LILRA2: variants seen among roughly 807,000 people sequenced by gnomAD.
LILRA2 encodes the protein leukocyte immunoglobulin-like receptor subfamily A member 2.
LILRA2 carries 45 observed loss-of-function variants against 47.9 expected under a neutral mutation model. That is an observed-to-expected ratio of 0.94 (90% CI 0.74 to 1.20). LILRA2 has a LOEUF of 1.20. Ranked by LOEUF, LILRA2 falls within the 50% of genes most tolerant of loss-of-function variation. The pLI is 0.00. For synonymous variants in LILRA2, 279 were observed against 249.2 expected, an observed-to-expected ratio of 1.12 and a Z score of -1.13; for missense variants, 651 against 598.2, an observed-to-expected ratio of 1.09 and a Z score of -0.92.
rs1411534936 is a variant in LILRA2 at position 54,579,905 on chromosome 19, CTGTT to C, written c.1255+3800_1255+3803del. 3.9e-5 allele frequency among the ~76,000 whole-genome samples: 6 copies of C among 152,086 alleles called. No homozygotes were observed. In the East Asian group the frequency reaches 7.7e-4, roughly 20 times the overall value. ...GGGAGTTCACTCATGACTTGGCTCTCTGTTTGTCTATTATTGGTTTATAGGAATG... is the reference window on the plus strand; with the variant it reads ...GGGAGTTCACTCATGACTTGGCTCTCTGTCTATTATTGGTTTATAGGAATG... On this transcript the variant is annotated intron_variant, in intron 6 of 7. Transcript: ENST00000391738.
At chr19:54,575,726 A>T (rs1242116705) in intron 5 of LILRA2, 81 bp from the exon 6 acceptor site, 1 of 1,420,854 alleles carries the variant, frequency 7.0e-7, no homozygotes, top group African/African-American at 2.0e-5. Flanking sequence ...CAGAGAGACT[A>T]AGGGTCCCAG....
At position 54,587,478 on chromosome 19, in the gene LILRA2, C is replaced by G. The variant is rs139968405; in HGVS notation, c.*132C>G. 6,807 of 1,372,220 alleles carry G rather than the reference C, an allele frequency of 5.0e-3. No individual in the cohort carries two copies. In the South Asian group the frequency reaches 0.068, roughly 14 times the overall value. 85.0% of individuals were successfully genotyped at this position (1,372,220 alleles called of 1,614,324 possible). ...GTATGCTGGTCATTTCTAGAGACAG[C>G]AATCAATATTTGAGTGTAAGGAAAC... On this transcript the variant is annotated 3_prime_UTR_variant, in exon 8 of 8. Transcript: ENST00000391738.
intron 6 of LILRA2, among the ~76,000 whole-genome samples, chr19:54,585,822 G>A (rs892425303): frequency 6.6e-6 from 1 of 152,168 alleles, no homozygotes; most frequent in Non-Finnish European, 1.5e-5. Flanking sequence ...CAGTCCCAAT[G>A]AGATAAACCA....
Position 54,576,008 on chromosome 19 carries a change from T to C in LILRA2, c.1154T>C (p.Val385Ala). Residue 385 changes from valine to alanine, a missense_variant, in exon 6 of 8, where the codon GTG becomes GCG. Transcript: ENST00000391738. ...CAGGCTGAATTCCGCATGGGTCCTG[T>C]GACCTCAGCCCACGTGGGGACCTAC... The part of the protein sequence containing the change: ...QNQAEFRMGP[V>A]TSAHVGTYRC... The C allele has an allele frequency of 6.2e-7, 1 of 1,613,874 alleles. No individual in the cohort carries two copies. The highest frequency in any genetic ancestry group is 8.5e-7 in the Non-Finnish European group (1 of 1,179,928).
chr19:54,579,653 G>T (rs775456765), intron 6 of LILRA2, among the ~76,000 whole-genome samples: 1 of 152,186 alleles, frequency 6.6e-6, no homozygotes, highest in African/African-American at 2.4e-5. Flanking sequence ...AAGAAAGTCA[G>T]TGGTAGCTTG....
At chr19:54,580,422 A>G (rs1242553366) in intron 6 of LILRA2, among the ~76,000 whole-genome samples, 3 of 66,602 alleles carry the variant, frequency 4.5e-5, no homozygotes, top group African/African-American at 1.9e-4. Flanking sequence ...TCATTGTTCA[A>G]TTCCCACCTA....
intron 6 of LILRA2, chr19:54,577,384 A>T: frequency 1.8e-6 from 2 of 1,110,620 alleles, no homozygotes; most frequent in Non-Finnish European, 2.3e-6. Flanking sequence ...GCTGGGGCTG[A>T]TGGAGGAGGA....
At chr19:54,583,193 C>T (rs547128284) in intron 6 of LILRA2, among the ~76,000 whole-genome samples, 1 of 152,098 alleles carries the variant, frequency 6.6e-6, no homozygotes, top group Admixed American at 6.5e-5. Flanking sequence ...TGGTTTACTA[C>T]CAATTATGTG....
chr19:54,577,582 C>A, intron 6 of LILRA2: 3 of 1,289,674 alleles, frequency 2.3e-6, no homozygotes, highest in African/African-American at 3.0e-5. Flanking sequence ...GGAGTCCACC[C>A]CAGATGTGCT....
chr19:54,573,398 C>A (rs2062205532), upstream of LILRA2: 5 of 928,584 alleles, frequency 5.4e-6, no homozygotes, highest in South Asian at 5.2e-5. Context: ...CTGGGTTTTC[C>A]CTGAAGCATC....
chr19:54,584,061 G>A (rs935458244), intron 6 of LILRA2, among the ~76,000 whole-genome samples: 2 of 152,162 alleles, frequency 1.3e-5, no homozygotes, highest in African/African-American at 4.8e-5. Context: ...GACAGTCTGG[G>A]TTGAAAATTA....
chr19:54,578,237 G>A (rs911306566), intron 6 of LILRA2, among the ~76,000 whole-genome samples: 5 of 152,088 alleles, frequency 3.3e-5, no homozygotes, highest in Admixed American at 1.3e-4. Context: ...CCATCAACTC[G>A]TCATTCACAT....
chr19:54,585,447 G>C (rs924173087), intron 6 of LILRA2, among the ~76,000 whole-genome samples: 1 of 152,190 alleles, frequency 6.6e-6, no homozygotes, highest in Non-Finnish European at 1.5e-5. Flanking sequence ...CACCCAGTTC[G>C]TGCTTCCAGG....
chr19:54,573,271 A>C (rs1440064028), upstream of LILRA2: 1 of 468,230 alleles, frequency 2.1e-6, no homozygotes, highest in Non-Finnish European at 4.0e-6. Context: ...GGCATGAGCC[A>C]CCATGGTAGA....
At chr19:54,585,421 G>A (rs960038761) in intron 6 of LILRA2, among the ~76,000 whole-genome samples, 4 of 152,226 alleles carry the variant, frequency 2.6e-5, no homozygotes, top group Admixed American at 6.5e-5. Context: ...AGGCCTTGCT[G>A]AGCTGTGGTG....
intron 6 of LILRA2, among the ~76,000 whole-genome samples, chr19:54,579,860 T>C (rs1054524322): frequency 6.6e-6 from 1 of 152,206 alleles, no homozygotes; most frequent in Non-Finnish European, 1.5e-5. Context: ...TATTTTATTC[T>C]CTTTGTAGTA....
In LILRA2 at chr19:54,581,957, C is replaced by T. The variant is rs1000396759; in HGVS notation, c.1256-5053C>T. 6.6e-5 allele frequency among the ~76,000 whole-genome samples: 10 copies of T among 152,208 alleles called. No homozygotes were observed. In the South Asian group the frequency reaches 1.5e-3, roughly 22 times the overall value. ...ATTTTGAGATATGTTCCATCAGTAC[C>T]GAGTTTATTGAGAGTTTTTAGCATG... On this transcript the variant is annotated intron_variant, in intron 6 of 7. Transcript: ENST00000391738.
chr19:54,587,155 C>T (rs765015448), intron 7 of LILRA2, 46 bp from the exon 8 acceptor site: 14 of 1,612,820 alleles, frequency 8.7e-6, no homozygotes, highest in African/African-American at 2.7e-5. Context: ...ACAGGAGTCC[C>T]GGGGTGATTC....
intron 6 of LILRA2, among the ~76,000 whole-genome samples, chr19:54,579,565 T>C (rs2062579311): frequency 6.6e-6 from 1 of 152,318 alleles, no homozygotes; most frequent in Middle Eastern, 3.4e-3. Context: ...TTTGTTCTTT[T>C]TGCTTAGGAT....
Sources: allele counts gnomAD v4.1 joint callset (sites outside exome capture counted in the v4.1 genomes callset), GRCh38; gene constraint gnomAD v4.1.1; transcripts MANE v1.5; gene names NCBI Gene and HGNC (gene_info 2026-07-23, HGNC 2026-07-21).